ARHGEF26: variants seen among roughly 807,000 people sequenced by gnomAD.
ARHGEF26 encodes Rho guanine nucleotide exchange factor (GEF) 26.
In ARHGEF26, 59 loss-of-function variants were observed where a neutral mutation model predicts 89.4. The ratio of observed to expected loss-of-function variants is 0.66; its 90% CI spans 0.54 to 0.82. The LOEUF (loss-of-function observed/expected upper bound fraction) is 0.82. Among genes scored for constraint, ARHGEF26 ranks in the 40% least tolerant of loss-of-function variants. The probability of loss-of-function intolerance (pLI) is 0.00; values close to 1 mark genes in which losing one functional copy is unlikely to be tolerated. For synonymous variants in ARHGEF26, 500 were observed against 428.4 expected (o/e 1.17, Z -2.06); for missense variants, 1,234 against 1,085.6 (o/e 1.14, Z -1.92).
chr3:154,201,948 G>A (rs910222770), intron 9 of ARHGEF26, among the ~76,000 whole-genome samples: 2 of 151,282 alleles, frequency 1.3e-5, no homozygotes, highest in African/African-American at 2.4e-5. Context: ...CTCCCATTTT[G>A]TAGGTTGCCT....
chr3:154,255,333 T>C lies in ARHGEF26; in HGVS notation c.2476T>C (p.Trp826Arg), dbSNP rs370150738. The C allele has an allele frequency of 6.2e-7, 1 of 1,612,430 alleles. No homozygotes were observed. The highest frequency in any genetic ancestry group is 1.3e-5 in the African/African-American group (1 of 74,880). ...GTGGACTCTGTTCTTTTTCACAGGC[T>C]GGTATGAGGGGGAACGACTACGAGA... ...VLIYQRVSDG[W>R]YEGERLRDGE... Residue 826 changes from tryptophan to arginine, a missense_variant and splice_region_variant, in exon 15 of 15, where the codon TGG becomes CGG. Trp to Arg is a moderately radical substitution (Grantham distance 101). Coordinates refer to ENST00000465093, the MANE Select transcript of ARHGEF26 (RefSeq NM_015595.4).
intron 2 of ARHGEF26, 113 bp from the exon 3 acceptor site, chr3:154,124,297 A>G: frequency 1.4e-6 from 1 of 731,878 alleles, no homozygotes; most frequent in Non-Finnish European, 2.2e-6. Flanking sequence ...AATTAATGTA[A>G]TGACTAAAAA....
chr3:154,166,254 G>T (rs915117991), intron 6 of ARHGEF26, among the ~76,000 whole-genome samples: 1 of 152,086 alleles, frequency 6.6e-6, no homozygotes, highest in Non-Finnish European at 1.5e-5. Flanking sequence ...GTTTCACCAT[G>T]TTAGCCAGAA....
chr3:154,200,638 T>C (rs1714569043), intron 9 of ARHGEF26, among the ~76,000 whole-genome samples: 2 of 151,896 alleles, frequency 1.3e-5, no homozygotes, highest in Non-Finnish European at 2.9e-5. Flanking sequence ...ATCTGTAGAA[T>C]TCTTTGGGTA....
chr3:154,142,811 A>G (rs1362803055), intron 4 of ARHGEF26, among the ~76,000 whole-genome samples: 1 of 151,814 alleles, frequency 6.6e-6, no homozygotes, highest in Non-Finnish European at 1.5e-5. Context: ...AGTTACGCAG[A>G]CTCCTTTATC....
intron 9 of ARHGEF26, among the ~76,000 whole-genome samples, chr3:154,208,800 C>T (rs913419317): frequency 3.6e-5 from 5 of 137,934 alleles, no homozygotes; most frequent in African/African-American, 1.4e-4. Flanking sequence ...GAGTCTCACT[C>T]TATCACCCAG....
intron 4 of ARHGEF26, among the ~76,000 whole-genome samples, chr3:154,145,565 G>T (rs1719648191): frequency 6.6e-6 from 1 of 152,102 alleles, no homozygotes; most frequent in Non-Finnish European, 1.5e-5. Flanking sequence ...GAGTCTTTTT[G>T]GTTTGTGAGG....
intron 9 of ARHGEF26, among the ~76,000 whole-genome samples, chr3:154,214,512 G>A (rs1251084151): frequency 6.6e-6 from 1 of 152,114 alleles, no homozygotes; most frequent in African/African-American, 2.4e-5. Context: ...AGTGGATGAT[G>A]CTGAGTTGAG....
At chr3:154,169,475 G>A (rs1712279609) in intron 6 of ARHGEF26, among the ~76,000 whole-genome samples, 2 of 152,024 alleles carry the variant, frequency 1.3e-5, no homozygotes, top group African/African-American at 4.8e-5. Flanking sequence ...TCTGATGGTC[G>A]ATTAAGTGCC....
chr3:154,148,900 A>T (rs1445690896), intron 4 of ARHGEF26, among the ~76,000 whole-genome samples: 1 of 152,198 alleles, frequency 6.6e-6, no homozygotes, highest in Non-Finnish European at 1.5e-5. Flanking sequence ...AACACATGAA[A>T]ACTGGTACAG....
At chr3:154,131,525 A>G (rs1214531687) in intron 4 of ARHGEF26, among the ~76,000 whole-genome samples, 2 of 152,206 alleles carry the variant, frequency 1.3e-5, no homozygotes, top group Non-Finnish European at 2.9e-5. Context: ...CCCAAAACAG[A>G]TATGTGGAAA....
Position 154,179,197 on chromosome 3 carries a change from T to C in ARHGEF26, c.1488-8488T>C, listed in dbSNP as rs527990777. Reference sequence around the variant, plus strand: ...TTGCTTCCTCAAAAAAAAATATGCATGTATAATTGTACTGACAACAACAAA... The same window carrying C: ...TTGCTTCCTCAAAAAAAAATATGCACGTATAATTGTACTGACAACAACAAA... On this transcript the variant is annotated intron_variant, in intron 6 of 14. Coordinates refer to ENST00000465093, the MANE Select transcript of ARHGEF26 (RefSeq NM_015595.4). Among the ~76,000 whole-genome samples, 115 of 152,262 alleles carry C rather than the reference T, an allele frequency of 7.6e-4. 1 individual carries two copies. The highest frequency in any genetic ancestry group is 2.7e-3 in the African/African-American group (112 of 41,544).
chr3:154,171,836 G>C (rs357483), intron 6 of ARHGEF26, among the ~76,000 whole-genome samples: 76,275 of 151,552 alleles, frequency 0.5, 19,343 homozygotes, highest in Non-Finnish European at 0.53. Context: ...CAAGCCCTGA[G>C]ACCTTCCAAC....
At chr3:154,170,027 C>T (rs1338061124) in intron 6 of ARHGEF26, among the ~76,000 whole-genome samples, 2 of 151,874 alleles carry the variant, frequency 1.3e-5, no homozygotes, top group African/African-American at 4.8e-5. Flanking sequence ...TCATTCTACC[C>T]TAAGGTACAG....
chr3:154,176,056 G>C (rs1354693516), intron 6 of ARHGEF26, among the ~76,000 whole-genome samples: 1 of 152,186 alleles, frequency 6.6e-6, no homozygotes, highest in Non-Finnish European at 1.5e-5. Flanking sequence ...TGTTACCGTG[G>C]CAGGGCCTGG....
At chr3:154,226,141 A>G in intron 11 of ARHGEF26, 131 bp downstream of exon 11, 1 of 740,600 alleles carries the variant, frequency 1.4e-6, no homozygotes, top group Non-Finnish European at 2.0e-6. Context: ...CTGAATCATA[A>G]TTGCATCTAT....
intron 9 of ARHGEF26, among the ~76,000 whole-genome samples, chr3:154,211,727 C>G (rs1298482240): frequency 6.6e-6 from 1 of 152,190 alleles, no homozygotes; most frequent in East Asian, 1.9e-4. Context: ...ATTCCATTAT[C>G]TTAGTTGGCC....
intron 6 of ARHGEF26, among the ~76,000 whole-genome samples, chr3:154,166,404 A>G (rs1250752616): frequency 6.6e-6 from 1 of 152,100 alleles, no homozygotes; most frequent in Non-Finnish European, 1.5e-5. Flanking sequence ...CATATGAATA[A>G]CCTGAGGATA....
intron 9 of ARHGEF26, among the ~76,000 whole-genome samples, chr3:154,207,940 G>A (rs375407613): frequency 2.2e-4 from 34 of 152,298 alleles, no homozygotes; most frequent in East Asian, 7.7e-4. Flanking sequence ...CATGTCCTTT[G>A]CAGGGACATG....
Sources: allele counts gnomAD v4.1 joint callset (sites outside exome capture counted in the v4.1 genomes callset), GRCh38; gene constraint gnomAD v4.1.1; transcripts MANE v1.5; gene names NCBI Gene and HGNC (gene_info 2026-07-23, HGNC 2026-07-21).